The following ZNF559 variants were observed in gnomAD, a reference collection of about 807,000 sequenced individuals.
The protein encoded by ZNF559 is zinc finger protein 559.
In ZNF559, 17 loss-of-function variants were observed where a neutral mutation model predicts 14.2. The ratio of observed to expected loss-of-function variants is 1.20; its 90% CI spans 0.82 to 1.80. The LOEUF is 1.80. Ranked by LOEUF, ZNF559 falls within the 40% of genes most tolerant of loss-of-function variation. ZNF559 has a pLI of 0.00. For synonymous variants in ZNF559, 244 were observed against 212.4 expected (o/e 1.15, Z -1.29); for missense variants, 740 against 629.7 (o/e 1.18, Z -1.88).
chr19:9,332,484 C>T (rs2066991435), intron 2 of ZNF559, among the ~76,000 whole-genome samples: 1 of 152,148 alleles, frequency 6.6e-6, no homozygotes, highest in Non-Finnish European at 1.5e-5. Flanking sequence ...ATCTTCACCC[C>T]TTTGCCCTGC....
chr19:9,325,142 T>C (rs928964994), intron 2 of ZNF559, among the ~76,000 whole-genome samples: 2 of 152,104 alleles, frequency 1.3e-5, no homozygotes, highest in African/African-American at 4.8e-5. Flanking sequence ...TACCAGTTAC[T>C]CATTTGAAAG....
At chr19:9,324,644 G>T in intron 1 of ZNF559, 51 bp from the exon 2 acceptor site, 2 of 1,052,092 alleles carry the variant, frequency 1.9e-6, no homozygotes, top group Non-Finnish European at 2.6e-6. Flanking sequence ...ATCTCTAATG[G>T]AAAAAAAAAA....
At chr19:9,326,950 A>G (rs969488170) in intron 2 of ZNF559, among the ~76,000 whole-genome samples, 6 of 152,226 alleles carry the variant, frequency 3.9e-5, no homozygotes, top group African/African-American at 1.4e-4. Flanking sequence ...AATAAAATTA[A>G]GAATTCATTT....
At chr19:9,333,924 G>T (rs2067082157) in intron 2 of ZNF559, among the ~76,000 whole-genome samples, 1 of 152,014 alleles carries the variant, frequency 6.6e-6, no homozygotes, top group Non-Finnish European at 1.5e-5. Context: ...TCAATAATCA[G>T]GCAAATGGAA....
At position 9,342,126 on chromosome 19, in the gene ZNF559, TAC is replaced by T. The variant is rs746089226; in HGVS notation, c.677_678del (p.Thr226SerfsTer16). On this transcript the variant is annotated frameshift_variant, in exon 7 of 7. Transcript: ENST00000603380. LOFTEE classifies it low-confidence loss of function (END_TRUNC). ...AGTATGTCGAAACCTTTTCTCATTC[TAC>T]AGCCCTTTTTGTACACATGCAAACT... ...KEYVETFSHSTALFVHMQTQD... is the reference protein window; with the variant it reads ...KEYVETFSHSXALFVHMQTQD... 17 of 1,613,634 alleles carry T rather than the reference TAC, an allele frequency of 1.1e-5. No individual in the cohort carries two copies. The highest frequency in any genetic ancestry group is 1.4e-5 in the Non-Finnish European group (16 of 1,179,884).
At chr19:9,324,311 A>G (rs971085528) in intron 1 of ZNF559, 83 bp downstream of exon 1, 2 of 1,535,178 alleles carry the variant, frequency 1.3e-6, no homozygotes, top group Non-Finnish European at 1.7e-6. Context: ...GGAGGTGCCC[A>G]GTGAAATGGA....
chr19:9,329,406 G>A (rs2066817404), intron 2 of ZNF559, among the ~76,000 whole-genome samples: 1 of 152,032 alleles, frequency 6.6e-6, no homozygotes, highest in Non-Finnish European at 1.5e-5. Context: ...CTTTATGTAT[G>A]ATGAGCTCCC....
rs746733619 is a variant in ZNF559, at chr19:9,341,774, C to A, written c.323C>A (p.Thr108Asn). 1 of 1,605,574 alleles carries A rather than the reference C, an allele frequency of 6.2e-7. No individual in the cohort carries two copies. The highest frequency in any genetic ancestry group is 1.1e-5 in the South Asian group (1 of 89,372). ...KALSEHSCLK[T>N]HRRTYFRKKT... is the part of the protein sequence containing the mutation. ...TTGAGTGAACACTCATGCCTTAAGA[C>A]TCACAGGAGAACTTACTTTAGAAAG... Residue 108 changes from threonine (T) to asparagine (N), a missense_variant, in exon 7 of 7, where the codon ACT becomes AAT. Physicochemically the swap from Thr to Asn is moderately conservative, Grantham distance 65. Transcript: ENST00000603380.
In ZNF559 at chr19:9,339,466, A is replaced by T. The variant is rs535481587; in HGVS notation, c.160+147A>T. ...ATCTCATAGACCTTACTGCCTTGTG[A>T]TTTTTCTGATGAAATTGAAGATCTG... is the stretch of plus-strand genomic sequence containing the variant. On this transcript the variant is annotated intron_variant, in intron 5 of 6. Transcript: ENST00000603380. 17 of 911,854 alleles carry T rather than the reference A, an allele frequency of 1.9e-5. No homozygotes were observed. The African/African-American group carries it at 2.7e-4, about 15-fold the overall frequency. 56.5% of individuals were successfully genotyped at this position (911,854 alleles called of 1,614,324 possible).
intron 5 of ZNF559, among the ~76,000 whole-genome samples, chr19:9,339,852 T>C (rs2067452321): frequency 6.7e-6 from 1 of 149,482 alleles, no homozygotes; most frequent in African/African-American, 2.5e-5. Context: ...CACTGCAAGC[T>C]CCGCCTCCCG....
chr19:9,343,363 T>A lies in ZNF559; in HGVS notation c.*295T>A, dbSNP rs2122325938. Reference sequence around the variant, plus strand: ...ATCTTACTGAGTCTGTTTGAACTCATGCTGGAGAGAAATGCTATGAATGTG... The same window carrying A: ...ATCTTACTGAGTCTGTTTGAACTCAAGCTGGAGAGAAATGCTATGAATGTG... On this transcript the variant is annotated 3_prime_UTR_variant, in exon 7 of 7. Coordinates refer to ENST00000603380, the MANE Select transcript of ZNF559 (RefSeq NM_032497.3). The A allele has an allele frequency of 8.7e-7, 1 of 1,153,126 alleles. No homozygotes were observed. The highest frequency in any genetic ancestry group is 5.1e-5 in the East Asian group (1 of 19,600). The allele number at this position is 1,153,126 out of a possible 1,614,324, so 71.4% of individuals were successfully genotyped here. A position where few individuals can be genotyped will look rare whatever the true frequency, so the allele number is the denominator to read the frequency against.
chr19:9,335,451 G>A (rs2067184943), intron 2 of ZNF559, among the ~76,000 whole-genome samples: 1 of 152,138 alleles, frequency 6.6e-6, no homozygotes, highest in South Asian at 2.1e-4. Flanking sequence ...TGGGAAGAGT[G>A]CAGCCCTGTC....
rs752258071 is a variant in ZNF559, at chr19:9,342,890, T to C, written c.1439T>C (p.Leu480Pro). ...CAAGCCTTCAGTATCTCATCAGGCC[T>C]TACAGTACACATGAGAACTCACACT... ...CGQAFSISSG[L>P]TVHMRTHTGE... The change falls in exon 7 of 7, where the codon CTT becomes CCT. Residue 480 changes from leucine to proline, a missense_variant. Coordinates refer to ENST00000603380, the MANE Select transcript of ZNF559 (RefSeq NM_032497.3). 19 of 1,614,002 alleles carry C rather than the reference T, an allele frequency of 1.2e-5. No homozygotes were observed. The Admixed American group carries it at 2.8e-4, about 24-fold the overall frequency.
At chr19:9,326,661 T>C (rs1424537014) in intron 2 of ZNF559, among the ~76,000 whole-genome samples, 1 of 152,212 alleles carries the variant, frequency 6.6e-6, no homozygotes, top group East Asian at 1.9e-4. Context: ...TTTTAATATA[T>C]TAAAAATGCA....
intron 2 of ZNF559, among the ~76,000 whole-genome samples, chr19:9,336,194 G>A (rs1474925725): frequency 6.6e-6 from 1 of 152,154 alleles, no homozygotes; most frequent in Non-Finnish European, 1.5e-5. Flanking sequence ...TTCTGAGTCT[G>A]TAAATATACA....
chr19:9,341,134 G>C lies in ZNF559; in HGVS notation c.193G>C (p.Ala65Pro). ...GAGTCATATTAATACCAAATGGTCA[G>C]CACCTCAGCAGAATTTTTTGCAGGG... ...WESHINTKWS[A>P]PQQNFLQGKT... The change falls in exon 6 of 7, where the codon GCA (alanine) becomes CCA (proline). Residue 65 changes from alanine to proline, a missense_variant. Transcript: ENST00000603380. 1.2e-6 allele frequency: 2 copies of C among 1,613,714 alleles called. No homozygotes were observed. The highest frequency in any genetic ancestry group is 1.7e-6 in the Non-Finnish European group (2 of 1,179,928).
chr19:9,345,393 T>TA lies in ZNF559; in HGVS notation c.*2326dup, dbSNP rs1170987948. 1 of 152,236 alleles carries TA rather than the reference T, an allele frequency of 6.6e-6. No homozygotes were observed. Among genetic ancestry groups the TA allele is most frequent in the Non-Finnish European group, 1.5e-5 (1 of 68,036 alleles). 9.4% of individuals were successfully genotyped at this position (152,236 alleles called of 1,614,324 possible). ...GACTGCTAAACCTTTCTCAAGTAGT[T>TA]ATGCCATTTGACATTTCCATGAGCA... On this transcript the variant is annotated 3_prime_UTR_variant, in exon 7 of 7. Transcript: ENST00000603380.
intron 1 of ZNF559, 98 bp from the exon 2 acceptor site, chr19:9,324,597 C>T: frequency 2.5e-6 from 3 of 1,182,350 alleles, no homozygotes; most frequent in Non-Finnish European, 3.5e-6. Flanking sequence ...AGTTCAAGAC[C>T]AGGCAGGGCA....
At chr19:9,331,055 T>TCC (rs1325739796) in intron 2 of ZNF559, among the ~76,000 whole-genome samples, 3 of 152,158 alleles carry the variant, frequency 2.0e-5, no homozygotes, top group African/African-American at 4.8e-5. Context: ...TCTCTCTCTC[T>TCC]CCACAGAAAA....
Sources: gnomAD v4.1 joint callset for allele counts (sites outside exome capture counted in the v4.1 genomes callset) on GRCh38, gnomAD v4.1.1 for gene constraint, MANE v1.5 for transcripts, NCBI Gene and HGNC (gene_info 2026-07-23, HGNC 2026-07-21) for gene names.